CADPS: variants seen among roughly 807,000 people sequenced by gnomAD.
CADPS encodes calcium dependent secretion activator, also known as calcium-dependent secretion activator 1.
CADPS carries 57 observed loss-of-function variants against 167.3 expected under a neutral mutation model. That is an observed-to-expected ratio of 0.34 (90% confidence interval 0.28 to 0.42). The LOEUF (loss-of-function observed/expected upper bound fraction) is 0.42, where lower values mean the gene tolerates loss of function less well. Ranked by LOEUF, CADPS falls within the 20% of genes least tolerant of loss-of-function variation. CADPS has a pLI of 1.00. For synonymous variants in CADPS, 676 were observed against 635.3 expected (o/e 1.06, Z -0.96); for missense variants, 1,414 against 1,738.1 (o/e 0.81, Z 3.32).
In CADPS at chr3:62,874,843, C is replaced by A. The variant is rs1202535271; in HGVS notation, c.187G>T (p.Gly63Cys). The change falls in exon 1 of 30, where the codon GGC (glycine) becomes TGC (cysteine). Residue 63 changes from glycine to cysteine, a missense_variant. Around this residue, in one of 6 missense-constraint regions of CADPS, gnomAD observed 522 missense variants for 559.5 expected, o/e 0.93. Coordinates refer to ENST00000383710, the MANE Select transcript of CADPS (RefSeq NM_003716.4). This position sits in a 1 kb window ranked among gnomAD's most constrained non-coding sequence, Gnocchi z 7.1. ...CTGCTCGCGCCGCTGCCCCCGCCGC[C>A]GCCTGCACCCACCCCGGCTCCGGCG... ...AGAGAGVGAG[G>C]GGGSGASSGG... 2.8e-6 allele frequency: 3 copies of A among 1,055,770 alleles called. No individual in the cohort carries two copies. The highest frequency in any genetic ancestry group is 3.4e-6 in the Non-Finnish European group (3 of 871,858). The allele number at this position is 1,055,770 out of a possible 1,614,324, so 65.4% of individuals were successfully genotyped here.
intron 28 of CADPS, among the ~76,000 whole-genome samples, chr3:62,435,597 A>G (rs910012664): frequency 2.6e-5 from 4 of 152,180 alleles, no homozygotes; most frequent in Non-Finnish European, 5.9e-5. Flanking sequence ...AAAGTAGGAG[A>G]TCAGGTTATT....
chr3:62,603,730 A>G (rs1197393221), intron 6 of CADPS, among the ~76,000 whole-genome samples: 1 of 151,676 alleles, frequency 6.6e-6, no homozygotes, highest in African/African-American at 2.4e-5. Context: ...TTCCATTAGA[A>G]CTCTAAGCAT....
At chr3:62,858,087 T>C in intron 1 of CADPS, among the ~76,000 whole-genome samples, 1 of 152,270 alleles carries the variant, frequency 6.6e-6, no homozygotes, top group Middle Eastern at 3.4e-3. Flanking sequence ...GGTCAACAAA[T>C]TTTTACTGTA....
At chr3:62,663,225 C>G (rs1043298358) in intron 3 of CADPS, among the ~76,000 whole-genome samples, 1 of 152,096 alleles carries the variant, frequency 6.6e-6, no homozygotes, top group Non-Finnish European at 1.5e-5. Flanking sequence ...CAGGTGAAGA[C>G]AGCACTAAAC....
intron 3 of CADPS, among the ~76,000 whole-genome samples, chr3:62,750,659 T>C (rs2082499469): frequency 1.3e-5 from 2 of 152,204 alleles, no homozygotes; most frequent in South Asian, 4.1e-4. Context: ...CCTTTAGAGA[T>C]AAGCACAGTT....
chr3:62,528,672 C>T (rs2072919190), intron 13 of CADPS, among the ~76,000 whole-genome samples: 1 of 152,138 alleles, frequency 6.6e-6, no homozygotes, highest in African/African-American at 2.4e-5. Context: ...ATCTGATACT[C>T]CTAGATTTAT....
At chr3:62,713,211 T>G (rs1283158414) in intron 3 of CADPS, among the ~76,000 whole-genome samples, 3 of 152,172 alleles carry the variant, frequency 2.0e-5, no homozygotes, top group South Asian at 4.1e-4. Context: ...TTGGTTTGGT[T>G]TTTTTGTTGC....
Position 62,474,170 on chromosome 3 carries a change from T to TTTTTTTTTTTTTTTTTTTA in CADPS, c.3477+2_3477+3insTAAAAAAAAAAAAAAAAAA. The TTTTTTTTTTTTTTTTTTTA allele has an allele frequency of 2.7e-6, 4 of 1,475,396 alleles. No homozygotes were observed. The highest frequency in any genetic ancestry group is 3.6e-6 in the Non-Finnish European group (4 of 1,105,884). 91.4% of individuals were successfully genotyped at this position (1,475,396 alleles called of 1,614,324 possible). A position where few individuals can be genotyped will look rare whatever the true frequency, so the allele number is the denominator to read the frequency against. On this transcript the variant is annotated splice_region_variant and intron_variant, in intron 24 of 29. Transcript: ENST00000383710. ...AAATCTGTATTTTTTTTTTTTTTTTTACCTCTTGGCCCATTTCCATGCTGC... is the reference window on the plus strand; with the variant it reads ...AAATCTGTATTTTTTTTTTTTTTTTTTTTTTTTTTTTTTTTTTTAACCTCTTGGCCCATTTCCATGCTGC...
chr3:62,733,968 T>C (rs2078463664), intron 3 of CADPS, among the ~76,000 whole-genome samples: 1 of 152,204 alleles, frequency 6.6e-6, no homozygotes, highest in African/African-American at 2.4e-5. Flanking sequence ...GTTACTTCTT[T>C]CATTCCGTTT....
At chr3:62,748,488 G>GAGT (rs1436624064) in intron 3 of CADPS, among the ~76,000 whole-genome samples, 5 of 151,994 alleles carry the variant, frequency 3.3e-5, no homozygotes, top group African/African-American at 1.2e-4. Context: ...TTAAGCAGAG[G>GAGT]AGTAGAAAGT....
At chr3:62,857,461 T>TA (rs905885775) in intron 1 of CADPS, among the ~76,000 whole-genome samples, 3 of 151,886 alleles carry the variant, frequency 2.0e-5, no homozygotes, top group African/African-American at 2.4e-5. Context: ...TATAGAGTAG[T>TA]AAAAAAAGAA....
chr3:62,505,678 T>A (rs1432164494), intron 17 of CADPS, among the ~76,000 whole-genome samples: 1 of 152,232 alleles, frequency 6.6e-6, no homozygotes, highest in African/African-American at 2.4e-5. Flanking sequence ...TGACAAGGGT[T>A]ATGCCTTCAT....
At chr3:62,781,791 T>C (rs1418120829) in intron 1 of CADPS, among the ~76,000 whole-genome samples, 2 of 152,048 alleles carry the variant, frequency 1.3e-5, no homozygotes, top group African/African-American at 2.4e-5. Flanking sequence ...ACATTCCAAG[T>C]CTTTGCACCT....
chr3:62,783,372 A>C (rs1224905590), intron 1 of CADPS, among the ~76,000 whole-genome samples: 1 of 152,002 alleles, frequency 6.6e-6, no homozygotes, highest in Non-Finnish European at 1.5e-5. Flanking sequence ...CTCTGTATTT[A>C]TCAAGTAATG....
chr3:62,600,471 C>G (rs922567125), intron 6 of CADPS, among the ~76,000 whole-genome samples: 1 of 152,154 alleles, frequency 6.6e-6, no homozygotes, highest in Non-Finnish European at 1.5e-5. Flanking sequence ...ACATGTGTGT[C>G]TATTCCAAAC....
At chr3:62,626,177 C>T in intron 6 of CADPS, 1 of 184,606 alleles carries the variant, frequency 5.4e-6, no homozygotes. Context: ...CATTGGTATC[C>T]CCATTAAGAA....
intron 28 of CADPS, among the ~76,000 whole-genome samples, chr3:62,405,114 T>C (rs978117433): frequency 5.0e-5 from 6 of 120,804 alleles, no homozygotes; most frequent in African/African-American, 9.8e-5. Context: ...CCACATTTAC[T>C]GGTTGTAGCT....
intron 3 of CADPS, among the ~76,000 whole-genome samples, chr3:62,748,244 G>T (rs2081935297): frequency 6.8e-6 from 1 of 148,060 alleles, no homozygotes; most frequent in South Asian, 2.1e-4. Context: ...TACTCAGGAG[G>T]CTGAGGCAGG....
At chr3:62,655,477 G>A (rs1206183692) in intron 4 of CADPS, among the ~76,000 whole-genome samples, 1 of 152,196 alleles carries the variant, frequency 6.6e-6, no homozygotes, top group African/African-American at 2.4e-5. Flanking sequence ...ACATTCCTCA[G>A]TGGAGACAGC....
Sources: gnomAD v4.1 joint callset for allele counts (sites outside exome capture counted in the v4.1 genomes callset) on GRCh38, gnomAD v4.1.1 for gene constraint, gnomAD v4.1.1 regional missense constraint, Gnocchi (gnomAD v3.1) non-coding constraint, MANE v1.5 for transcripts, NCBI Gene and HGNC (gene_info 2026-07-23, HGNC 2026-07-21) for gene names.